The following ALDH1L1 variants were observed in gnomAD, a reference collection of about 807,000 sequenced individuals.
ALDH1L1 encodes the protein aldehyde dehydrogenase 1 family member L1, also known as cytosolic 10-formyltetrahydrofolate dehydrogenase.
Under a neutral mutation model 101.1 loss-of-function variants are expected in ALDH1L1, and 68 were observed. The observed-to-expected ratio is 0.67, with a 90% CI of 0.55 to 0.82. The LOEUF is 0.82. Among genes scored for constraint, ALDH1L1 ranks in the 40% least tolerant of loss-of-function variants. The pLI is 0.00. For missense variants in ALDH1L1, 1,087 were observed against 1,172.7 expected (o/e 0.93, Z 1.07); for synonymous variants, 486 against 470.8 (o/e 1.03, Z -0.42).
chr3:126,192,393 A>T (rs188302231), intron 1 of ALDH1L1, among the ~76,000 whole-genome samples: 23 of 152,348 alleles, frequency 1.5e-4, no homozygotes, highest in South Asian at 1.5e-3. Context: ...TTTTATAGGT[A>T]CCATACTTTT....
Position 126,146,938 on chromosome 3 carries a change from G to A in ALDH1L1, c.985-12C>T, listed in dbSNP as rs1016040870. The A allele has an allele frequency of 1.9e-6, 3 of 1,612,026 alleles. No individual in the cohort carries two copies. The African/African-American group carries it at 4.0e-5, about 22-fold the overall frequency. On this transcript the variant is annotated splice_polypyrimidine_tract_variant and intron_variant, in intron 8 of 22. Transcript: ENST00000393434. ...CGCTGCCAAACACTCTGCAAAGCAA[G>A]ACCTGATGAGAGGCTGGCCCCAGGG...
intron 2 of ALDH1L1, chr3:126,159,504 T>C (rs374177071): frequency 1.1e-5 from 5 of 456,748 alleles, no homozygotes; most frequent in African/African-American, 4.0e-5. Flanking sequence ...TGGTGTGATG[T>C]TTGGGCCCTG....
chr3:126,197,538 T>C (rs11914692), intron 1 of ALDH1L1, among the ~76,000 whole-genome samples: 94,642 of 151,964 alleles, frequency 0.62, 29,544 homozygotes, highest in Middle Eastern at 0.67. Context: ...AGCCAGTTAA[T>C]TCCCAGATCA....
intron 1 of ALDH1L1, among the ~76,000 whole-genome samples, chr3:126,196,723 G>T (rs762084067): frequency 1.9e-4 from 29 of 152,222 alleles, no homozygotes; most frequent in Non-Finnish European, 3.5e-4. Context: ...GAGAAAGGAA[G>T]ATTTAAGAAG....
rs143732585 is a variant in ALDH1L1 at position 126,146,855 on chromosome 3, G to A, written c.1056C>T (p.Ala352=). The A allele has an allele frequency of 7.4e-5, 120 of 1,613,910 alleles. No individual in the cohort carries two copies. The highest frequency in any genetic ancestry group is 9.7e-5 in the Non-Finnish European group (114 of 1,179,946). The change falls in exon 9 of 23, where the codon GCC becomes GCT. Residue 352 remains alanine, a synonymous_variant. Transcript: ENST00000393434. ...CTTACCTCACAACGTCCACAGACGCGGCCCCTGACTTGAAGAAATCAGTGG... is the reference window on the plus strand; with the variant it reads ...CTTACCTCACAACGTCCACAGACGCAGCCCCTGACTTGAAGAAATCAGTGG... ...EDSTDFFKSG[A]ASVDVVRLVE... is the part of the protein sequence containing the mutation.
intron 14 of ALDH1L1, chr3:126,128,643 GCCTA>G: frequency 6.6e-6 from 1 of 152,504 alleles, no homozygotes; most frequent in South Asian, 2.1e-4. Flanking sequence ...CAGTGGCCCT[GCCTA>G]CCTGCCTTTG....
chr3:126,124,217 AG>A, intron 16 of ALDH1L1, 146 bp downstream of exon 16: 1 of 653,848 alleles, frequency 1.5e-6, no homozygotes. Context: ...CCCCCATGGG[AG>A]GGGCCTCCTT....
chr3:126,117,116 G>C (rs531203010), intron 17 of ALDH1L1, among the ~76,000 whole-genome samples: 1 of 151,504 alleles, frequency 6.6e-6, no homozygotes, highest in Non-Finnish European at 1.5e-5. Context: ...ATGGTGGCAC[G>C]TGTCTGTAGT....
At chr3:126,143,687 C>G (rs142308759) in intron 9 of ALDH1L1, among the ~76,000 whole-genome samples, 3 of 152,300 alleles carry the variant, frequency 2.0e-5, no homozygotes, top group African/African-American at 7.2e-5. Context: ...CCAAGTGTAA[C>G]GCCTCACCCT....
At chr3:126,104,004 C>A in intron 22 of ALDH1L1, 158 bp from the exon 23 acceptor site, 1 of 744,116 alleles carries the variant, frequency 1.3e-6, no homozygotes, top group Non-Finnish European at 2.2e-6. Context: ...GAATCTTACC[C>A]AGGTTATCCC....
At chr3:126,150,819 A>T (rs577593629) in intron 7 of ALDH1L1, 1 of 296,128 alleles carries the variant, frequency 3.4e-6, no homozygotes, top group Admixed American at 4.6e-5. Flanking sequence ...TGGCCTCCCA[A>T]AGTGCTGGGA....
At chr3:126,159,545 C>G (rs2080997037) in intron 2 of ALDH1L1, 2 of 456,530 alleles carry the variant, frequency 4.4e-6, no homozygotes, top group African/African-American at 4.0e-5. Flanking sequence ...CGGTCTCCTC[C>G]TCTGTCACTC....
intron 17 of ALDH1L1, chr3:126,115,462 C>T (rs1220995680): frequency 6.0e-6 from 1 of 166,044 alleles, no homozygotes; most frequent in African/African-American, 2.4e-5. Context: ...GGGCAGGAAG[C>T]TGCTCAGAGC....
intron 17 of ALDH1L1, chr3:126,115,007 C>T (rs2079930864): frequency 2.2e-6 from 1 of 462,942 alleles, no homozygotes; most frequent in Non-Finnish European, 4.3e-6. Flanking sequence ...CTGTCCTTTC[C>T]TCTACTGCAT....
chr3:126,169,647 A>G (rs1391548425), intron 1 of ALDH1L1, among the ~76,000 whole-genome samples: 2 of 152,226 alleles, frequency 1.3e-5, no homozygotes, highest in African/African-American at 4.8e-5. Flanking sequence ...CACCCAACTC[A>G]TAAGTATTTA....
At chr3:126,134,676 G>T (rs952536590) in intron 12 of ALDH1L1, among the ~76,000 whole-genome samples, 1 of 152,220 alleles carries the variant, frequency 6.6e-6, no homozygotes, top group Non-Finnish European at 1.5e-5. Context: ...CTGGCCTCTG[G>T]AGTATAACAG....
chr3:126,192,029 T>C (rs530739319), intron 1 of ALDH1L1, among the ~76,000 whole-genome samples: 1 of 152,306 alleles, frequency 6.6e-6, no homozygotes, highest in South Asian at 2.1e-4. Flanking sequence ...GAACAAATAC[T>C]GACTCTCTTT....
chr3:126,155,494 C>A lies in ALDH1L1; in HGVS notation c.538G>T (p.Val180Leu), dbSNP rs1388273620. The A allele has an allele frequency of 2.5e-6, 4 of 1,611,512 alleles. No homozygotes were observed. In the East Asian group the frequency reaches 8.9e-5, roughly 36 times the overall value. Residue 180 changes from valine (V) to leucine (L), a missense_variant, in exon 5 of 23, where the codon GTG becomes TTG. Transcript: ENST00000393434. ...PEGIKGMVQA[V>L]RLIAEGKAPR... ...GCTTTGCCCTCAGCGATCAGCCTCACGGCCTGCACCTGGGGAGATCCAGTG... is the reference window on the plus strand; with the variant it reads ...GCTTTGCCCTCAGCGATCAGCCTCAAGGCCTGCACCTGGGGAGATCCAGTG...
intron 12 of ALDH1L1, 118 bp from the exon 13 acceptor site, chr3:126,131,652 T>TAAGAGTGG: frequency 8.4e-7 from 1 of 1,191,726 alleles, no homozygotes; most frequent in Non-Finnish European, 1.2e-6. Flanking sequence ...TCTGCCACTC[T>TAAGAGTGG]CAGATGTGCG....
Sources: gnomAD v4.1 joint callset for allele counts (sites outside exome capture counted in the v4.1 genomes callset) on GRCh38, gnomAD v4.1.1 for gene constraint, MANE v1.5 for transcripts, NCBI Gene and HGNC (gene_info 2026-07-23, HGNC 2026-07-21) for gene names.